The following NTM variants were observed in gnomAD, a reference collection of about 807,000 sequenced individuals.
NTM encodes the protein IgLON family member 2.
NTM carries 13 observed loss-of-function variants against 42.1 expected under a neutral mutation model. The observed-to-expected ratio is 0.31, with a 90% CI of 0.20 to 0.49. The LOEUF (loss-of-function observed/expected upper bound fraction) is 0.49, where lower values mean the gene tolerates loss of function less well. NTM is among the 20% of genes least tolerant of loss of function. NTM has a pLI of 0.99. For missense variants in NTM, 373 were observed against 452.8 expected, an observed-to-expected ratio of 0.82 and a Z score of 1.60; for synonymous variants, 187 against 179.2, an observed-to-expected ratio of 1.04 and a Z score of -0.35.
chr11:131,379,085 A>C (rs1942327313), intron 1 of NTM, among the ~76,000 whole-genome samples: 1 of 152,164 alleles, frequency 6.6e-6, no homozygotes, highest in African/African-American at 2.4e-5. Flanking sequence ...TCTCTGGGTA[A>C]CCCACACACC....
In NTM at chr11:132,003,995, T is replaced by C. The variant is rs1450969831; in HGVS notation, c.167+92347T>C. Among the ~76,000 whole-genome samples, 4 of 152,222 alleles carry C rather than the reference T, an allele frequency of 2.6e-5. No homozygotes were observed. Among genetic ancestry groups the C allele is most frequent in the Admixed American group, 2.6e-4 (4 of 15,284 alleles). On this transcript the variant is annotated intron_variant, in intron 2 of 8. Coordinates refer to ENST00000683400, the MANE Select transcript of NTM (RefSeq NM_001352005.2). This position sits in a 1 kb window ranked among gnomAD's most constrained non-coding sequence, Gnocchi z 6.0. ...CAACCATTAGCATAATGTATTAGCA[T>C]ATCTATAGCACAATTATATTTTGAT...
At chr11:131,476,976 A>G (rs1313015824) in intron 1 of NTM, among the ~76,000 whole-genome samples, 2 of 152,152 alleles carry the variant, frequency 1.3e-5, no homozygotes, top group Non-Finnish European at 2.9e-5. Flanking sequence ...CTTAGGGGGC[A>G]CTTGCTATGC....
chr11:131,398,640 T>C (rs1439350182), intron 1 of NTM, among the ~76,000 whole-genome samples: 2 of 152,196 alleles, frequency 1.3e-5, no homozygotes, highest in Non-Finnish European at 2.9e-5. Context: ...TTGTAAATAA[T>C]GTTTCAGTGA....
chr11:132,038,532 G>T (rs12289975), intron 2 of NTM, among the ~76,000 whole-genome samples: 2 of 152,132 alleles, frequency 1.3e-5, no homozygotes, highest in East Asian at 3.9e-4. Context: ...TAAAGAGGGG[G>T]TGAGATTGGA....
chr11:132,125,140 G>A (rs2065463970), intron 2 of NTM, among the ~76,000 whole-genome samples: 1 of 152,198 alleles, frequency 6.6e-6, no homozygotes, highest in Non-Finnish European at 1.5e-5. Flanking sequence ...CAAACGGATG[G>A]GCTCACAGTG....
At chr11:132,020,208 G>A (rs2074121190) in intron 2 of NTM, among the ~76,000 whole-genome samples, 1 of 151,988 alleles carries the variant, frequency 6.6e-6, no homozygotes, top group Non-Finnish European at 1.5e-5. Context: ...TGGTTTATAT[G>A]TACCACATTT....
intron 2 of NTM, among the ~76,000 whole-genome samples, chr11:131,991,598 A>G (rs2067032192): frequency 2.0e-5 from 3 of 152,218 alleles, no homozygotes; most frequent in Non-Finnish European, 2.9e-5. Flanking sequence ...GACCAAAGCC[A>G]TGTCAAGTAT....
intron 3 of NTM, among the ~76,000 whole-genome samples, chr11:132,196,129 G>A (rs1424654526): frequency 6.6e-6 from 1 of 152,062 alleles, no homozygotes; most frequent in African/African-American, 2.4e-5. Context: ...TAAAAAATAG[G>A]CGAAGGACAT....
At chr11:131,652,789 C>T (rs1342450563) in intron 1 of NTM, among the ~76,000 whole-genome samples, 1 of 152,226 alleles carries the variant, frequency 6.6e-6, no homozygotes. Context: ...TTGCTCCACG[C>T]TGCAGCAGGG....
chr11:131,413,441 A>G (rs1946626741), intron 1 of NTM, among the ~76,000 whole-genome samples: 1 of 152,188 alleles, frequency 6.6e-6, no homozygotes, highest in African/African-American at 2.4e-5. Flanking sequence ...AGTGCTGATC[A>G]ATGGCACGGC....
chr11:132,292,262 C>T (rs1031854075), intron 4 of NTM, among the ~76,000 whole-genome samples: 3 of 152,090 alleles, frequency 2.0e-5, no homozygotes, highest in Admixed American at 2.0e-4. Context: ...AGGATATTTC[C>T]CCATGAGAGT....
chr11:131,413,581 T>C (rs1946644356), intron 1 of NTM, among the ~76,000 whole-genome samples: 1 of 152,234 alleles, frequency 6.6e-6, no homozygotes, highest in South Asian at 2.1e-4. Context: ...TGGGAATCTT[T>C]GTCAGCTCAG....
At chr11:132,074,029 A>T (rs2058047943) in intron 2 of NTM, among the ~76,000 whole-genome samples, 1 of 152,238 alleles carries the variant, frequency 6.6e-6, no homozygotes, top group African/African-American at 2.4e-5. Context: ...TAATTGGCTG[A>T]GGATGAGTCT....
intron 1 of NTM, among the ~76,000 whole-genome samples, chr11:131,700,929 T>C (rs1219878715): frequency 6.6e-6 from 1 of 152,234 alleles, no homozygotes; most frequent in Non-Finnish European, 1.5e-5. Context: ...ACAGCTTAGA[T>C]GTGAATCCTG....
chr11:132,191,079 G>A (rs141654030), intron 3 of NTM, among the ~76,000 whole-genome samples: 177 of 152,258 alleles, frequency 1.2e-3, no homozygotes, highest in Non-Finnish European at 2.2e-3. Context: ...ATTTACCAGA[G>A]GGGAAAAAAC....
chr11:132,134,122 C>T (rs528599154), intron 2 of NTM, among the ~76,000 whole-genome samples: 5 of 152,228 alleles, frequency 3.3e-5, no homozygotes, highest in African/African-American at 1.2e-4. Context: ...AGGGTCTCAC[C>T]ATGTTGCCCT....
At chr11:131,965,131 G>GA (rs983630900) in intron 2 of NTM, among the ~76,000 whole-genome samples, 44 of 152,190 alleles carry the variant, frequency 2.9e-4, no homozygotes, top group African/African-American at 1.1e-3. Context: ...CAGGAGCTCC[G>GA]AAAACGATGA....
chr11:131,665,156 C>A (rs961214038), intron 1 of NTM, among the ~76,000 whole-genome samples: 2 of 152,170 alleles, frequency 1.3e-5, no homozygotes, highest in Admixed American at 6.5e-5. Context: ...CTGGAGACAG[C>A]GGCTTCCTCT....
At chr11:132,192,195 C>T (rs1404411594) in intron 3 of NTM, among the ~76,000 whole-genome samples, 1 of 152,130 alleles carries the variant, frequency 6.6e-6, no homozygotes, top group East Asian at 1.9e-4. Flanking sequence ...AGATGACCAT[C>T]TGCAAGACAC....
Sources: gnomAD v4.1 joint callset for allele counts (sites outside exome capture counted in the v4.1 genomes callset) on GRCh38, gnomAD v4.1.1 for gene constraint, Gnocchi (gnomAD v3.1) non-coding constraint, MANE v1.5 for transcripts, NCBI Gene and HGNC (gene_info 2026-07-23, HGNC 2026-07-21) for gene names.